DNAH14: variants seen among roughly 807,000 people sequenced by gnomAD.
DNAH14 encodes the protein axonemal beta dynein heavy chain 14.
Under a neutral mutation model 520.9 loss-of-function variants are expected in DNAH14, and 478 were observed. The ratio of observed to expected loss-of-function variants is 0.92; its 90% CI spans 0.85 to 0.99. The LOEUF (loss-of-function observed/expected upper bound fraction) is 0.99. Ranked by LOEUF, DNAH14 falls within the 50% of genes least tolerant of loss-of-function variation. DNAH14 has a pLI of 0.00. For synonymous variants in DNAH14, 1,581 were observed against 1,757.2 expected (o/e 0.90, Z 2.51); for missense variants, 4,831 against 5,234.5 (o/e 0.92, Z 2.38).
chr1:225,047,792 T>A (rs181340161), intron 15 of DNAH14, among the ~76,000 whole-genome samples: 1 of 152,236 alleles, frequency 6.6e-6, no homozygotes, highest in Non-Finnish European at 1.5e-5. Flanking sequence ...CCAAACTTGT[T>A]TTCTAAAGTT....
At chr1:225,263,766 A>G (rs751625245) in intron 46 of DNAH14, among the ~76,000 whole-genome samples, 5 of 152,154 alleles carry the variant, frequency 3.3e-5, no homozygotes, top group Non-Finnish European at 7.4e-5. Flanking sequence ...TGTATACTCA[A>G]TATTTAAGCT....
chr1:225,087,002 AC>A (rs1174677865), intron 21 of DNAH14, among the ~76,000 whole-genome samples: 2 of 125,848 alleles, frequency 1.6e-5, no homozygotes, highest in African/African-American at 5.1e-5. Flanking sequence ...ACACACACAC[AC>A]ACACACACAC....
chr1:225,167,333 C>A (rs1177476465), intron 35 of DNAH14, among the ~76,000 whole-genome samples: 4 of 152,150 alleles, frequency 2.6e-5, no homozygotes, highest in African/African-American at 9.7e-5. Context: ...ACATAGTTAC[C>A]AATTCTATCT....
At chr1:225,290,376 G>T (rs2093840298) in intron 55 of DNAH14, among the ~76,000 whole-genome samples, 1 of 151,638 alleles carries the variant, frequency 6.6e-6, no homozygotes, top group South Asian at 2.1e-4. Flanking sequence ...TATCTGTGTA[G>T]CTGAGGTCAT....
chr1:225,110,616 T>C (rs1369934086), intron 23 of DNAH14, among the ~76,000 whole-genome samples: 1 of 151,898 alleles, frequency 6.6e-6, no homozygotes, highest in East Asian at 1.9e-4. Flanking sequence ...TATGTTTTTT[T>C]CTAAAAACAA....
At chr1:225,289,498 TTTA>T (rs1394567606) in intron 54 of DNAH14, among the ~76,000 whole-genome samples, 1 of 152,174 alleles carries the variant, frequency 6.6e-6, no homozygotes, top group Non-Finnish European at 1.5e-5. Context: ...CCCAAAAGCA[TTTA>T]TTAAGTACCT....
At chr1:225,202,156 G>A (rs971855331) in intron 38 of DNAH14, among the ~76,000 whole-genome samples, 3 of 152,124 alleles carry the variant, frequency 2.0e-5, no homozygotes, top group Non-Finnish European at 4.4e-5. Flanking sequence ...GATTACAGGC[G>A]TGAGCCACCT....
intron 74 of DNAH14, among the ~76,000 whole-genome samples, chr1:225,360,216 A>G (rs1446456419): frequency 6.6e-6 from 1 of 152,216 alleles, no homozygotes; most frequent in Non-Finnish European, 1.5e-5. Context: ...AATGGTATAT[A>G]TGCACCACAT....
At chr1:225,353,265 C>A (rs1003513584) in intron 72 of DNAH14, among the ~76,000 whole-genome samples, 2 of 151,942 alleles carry the variant, frequency 1.3e-5, no homozygotes, top group African/African-American at 4.8e-5. Flanking sequence ...AAATTGTAAT[C>A]CAGTAGGACT....
At chr1:225,213,787 T>G (rs979874329) in intron 41 of DNAH14, among the ~76,000 whole-genome samples, 2 of 152,214 alleles carry the variant, frequency 1.3e-5, no homozygotes, top group Non-Finnish European at 2.9e-5. Flanking sequence ...AAGTTGCATA[T>G]CAGCTTAAGG....
intron 36 of DNAH14, among the ~76,000 whole-genome samples, chr1:225,182,486 C>G (rs1457396960): frequency 6.6e-6 from 1 of 152,152 alleles, no homozygotes; most frequent in Non-Finnish European, 1.5e-5. Context: ...ACTATCCACA[C>G]AAGAAAACAC....
rs112946918 is a variant in DNAH14 at position 225,260,088 on chromosome 1, C to T, written c.7157+835C>T. ...CATTCAGGCTGGGTGCAGTGTTTCA[C>T]GCCTGTAATCCCAGCACTTTAGGAG... On this transcript the variant is annotated intron_variant, in intron 46 of 85. Coordinates refer to ENST00000682510, the MANE Select transcript of DNAH14 (RefSeq NM_001367479.1). Among the ~76,000 whole-genome samples the T allele has an allele frequency of 1.2e-3, 185 of 152,150 alleles. 2 individuals are homozygous for T. Among genetic ancestry groups the T allele is most frequent in the African/African-American group, 4.2e-3 (174 of 41,516 alleles).
At chr1:225,029,633 AAAG>A (rs1320713721) in intron 11 of DNAH14, among the ~76,000 whole-genome samples, 1 of 151,954 alleles carries the variant, frequency 6.6e-6, no homozygotes, top group African/African-American at 2.4e-5. Flanking sequence ...TAAATGCTAC[AAAG>A]AAGAAGTTTG....
intron 11 of DNAH14, among the ~76,000 whole-genome samples, chr1:225,026,380 T>A (rs139457659): frequency 2.0e-5 from 3 of 152,170 alleles, no homozygotes; most frequent in African/African-American, 7.2e-5. Context: ...TAAGATCTTA[T>A]AACTTTAGCT....
At chr1:225,157,642 C>G (rs12562085) in intron 34 of DNAH14, among the ~76,000 whole-genome samples, 16,955 of 152,080 alleles carry the variant, frequency 0.11, 1,475 homozygotes, top group East Asian at 0.23. Context: ...ACATATTGGT[C>G]ATCCCTGATT....
chr1:225,339,022 C>T (rs1288705901), intron 68 of DNAH14, among the ~76,000 whole-genome samples: 3 of 151,732 alleles, frequency 2.0e-5, no homozygotes, highest in African/African-American at 7.3e-5. Context: ...TGTGGCCGGG[C>T]GTGGTGGCGC....
intron 26 of DNAH14, among the ~76,000 whole-genome samples, chr1:225,120,650 C>T (rs548912717): frequency 6.6e-6 from 1 of 152,202 alleles, no homozygotes; most frequent in Non-Finnish European, 1.5e-5. Flanking sequence ...CGTCTGATCT[C>T]TTTCAGTGTC....
intron 12 of DNAH14, 116 bp downstream of exon 12, chr1:225,038,939 C>T (rs1363276992): frequency 1.3e-5 from 11 of 825,436 alleles, no homozygotes; most frequent in African/African-American, 3.6e-5. Flanking sequence ...AACATACCCT[C>T]GCCAACACAC....
intron 65 of DNAH14, among the ~76,000 whole-genome samples, chr1:225,332,713 G>A (rs11585543): frequency 0.24 from 36,287 of 151,776 alleles, 4,567 homozygotes; most frequent in East Asian, 0.35. Flanking sequence ...GTCCTGCTTT[G>A]GCTGGGCATG....
Sources: allele counts gnomAD v4.1 joint callset (sites outside exome capture counted in the v4.1 genomes callset), GRCh38; gene constraint gnomAD v4.1.1; transcripts MANE v1.5; gene names NCBI Gene and HGNC (gene_info 2026-07-23, HGNC 2026-07-21).